TRIM5: variants seen among roughly 807,000 people sequenced by gnomAD.
The protein encoded by TRIM5 is tripartite motif containing 5.
In TRIM5, 31 loss-of-function variants were observed where a neutral mutation model predicts 35.6. The observed-to-expected ratio is 0.87, with a 90% CI of 0.65 to 1.18. TRIM5 has a LOEUF of 1.18. Among genes scored for constraint, TRIM5 ranks in the 50% most tolerant of loss-of-function variants. The pLI is 0.00. For missense variants in TRIM5, 609 were observed against 591.6 expected, an observed-to-expected ratio of 1.03 and a Z score of -0.31; for synonymous variants, 243 against 215.6, an observed-to-expected ratio of 1.13 and a Z score of -1.11.
At chr11:5,642,881 T>C in the TRIM5 span, 3 of 1,612,976 alleles carry the variant, frequency 1.9e-6, 1 homozygote, top group South Asian at 3.3e-5. Context: ...TGTTTTCCAA[T>C]TACCTTTCAG....
the TRIM5 span, chr11:5,642,688 AT>A: frequency 1.5e-6 from 2 of 1,333,366 alleles, no homozygotes; most frequent in Non-Finnish European, 2.0e-6. Context: ...TCTCTGGTTT[AT>A]CTTTTTAATT....
the TRIM5 span, chr11:5,642,692 T>C: frequency 1.2e-5 from 16 of 1,304,262 alleles, no homozygotes; most frequent in Non-Finnish European, 1.5e-5. Context: ...TGGTTTATCT[T>C]TTTAATTCAC....
the TRIM5 span, among the ~76,000 whole-genome samples, chr11:5,615,932 C>CCTT: frequency 9.8e-6 from 1 of 102,466 alleles, no homozygotes; most frequent in Admixed American, 1.1e-4. Flanking sequence ...CATATCTTTT[C>CCTT]ATTTTTTTTT....
chr11:5,617,373 C>T, the TRIM5 span, among the ~76,000 whole-genome samples: 1 of 144,882 alleles, frequency 6.9e-6, no homozygotes, highest in South Asian at 2.3e-4. Flanking sequence ...ATTTGAATCA[C>T]ACACATTTCC....
At chr11:5,631,145 C>G in the TRIM5 span, among the ~76,000 whole-genome samples, 1 of 152,286 alleles carries the variant, frequency 6.6e-6, no homozygotes, top group Admixed American at 6.5e-5. Context: ...CCTCCCCCAA[C>G]GAATACACAC....
the TRIM5 span, among the ~76,000 whole-genome samples, chr11:5,621,429 AGCTCTAAGTACAT>A: frequency 1.3e-5 from 2 of 152,228 alleles, no homozygotes; most frequent in East Asian, 3.8e-4. Context: ...GTTTACATAG[AGCTCTAAGTACAT>A]GCCCATGGAA....
At chr11:5,589,769 A>T in the TRIM5 span, 1 of 160,404 alleles carries the variant, frequency 6.2e-6, no homozygotes, top group Non-Finnish European at 1.3e-5. Flanking sequence ...CTAGGCTCCC[A>T]CTTTGGCGGC....
At chr11:5,643,276 C>G in the TRIM5 span, 3 of 1,614,026 alleles carry the variant, frequency 1.9e-6, no homozygotes, top group South Asian at 3.3e-5. Flanking sequence ...CAATATTTCT[C>G]CTCTGGGAAA....
At chr11:5,632,662 G>A in the TRIM5 span, 1 of 1,612,740 alleles carries the variant, frequency 6.2e-7, no homozygotes, top group Non-Finnish European at 8.5e-7. Flanking sequence ...CTGTAAGGAG[G>A]ATAGGAAAGT....
At chr11:5,590,989 G>T in the TRIM5 span, 2 of 177,428 alleles carry the variant, frequency 1.1e-5, no homozygotes, top group South Asian at 3.5e-4. Context: ...CTTGAAGTCA[G>T]ACCAAGAACC....
chr11:5,660,443 T>C (rs968523265), downstream of TRIM5, among the ~76,000 whole-genome samples: 4 of 152,220 alleles, frequency 2.6e-5, no homozygotes, highest in South Asian at 2.1e-4. Flanking sequence ...TTCTGATTGC[T>C]TGTCACTTTC....
chr11:5,593,451 AT>A, the TRIM5 span, among the ~76,000 whole-genome samples: 1 of 152,286 alleles, frequency 6.6e-6, no homozygotes, highest in South Asian at 2.1e-4. Flanking sequence ...TCTCCTGTGA[AT>A]ATATTAGAGA....
At chr11:5,647,963 C>G in the TRIM5 span, among the ~76,000 whole-genome samples, 1 of 152,134 alleles carries the variant, frequency 6.6e-6, no homozygotes, top group South Asian at 2.1e-4. Flanking sequence ...AAATTTTATA[C>G]CATAGAATGC....
At chr11:5,658,656 G>A (rs117597439), downstream of TRIM5, among the ~76,000 whole-genome samples, 71 of 152,244 alleles carry the variant, frequency 4.7e-4, 1 homozygote, top group East Asian at 0.014. Context: ...TTTGTGCAAG[G>A]TTTCTAATGT....
the TRIM5 span, among the ~76,000 whole-genome samples, chr11:5,624,415 C>T: frequency 6.6e-6 from 1 of 152,166 alleles, no homozygotes; most frequent in African/African-American, 2.4e-5. Context: ...TCTCCGCCAC[C>T]CATCCTCCAT....
the TRIM5 span, among the ~76,000 whole-genome samples, chr11:5,591,895 C>G: frequency 6.9e-6 from 1 of 145,352 alleles, no homozygotes; most frequent in Non-Finnish European, 1.5e-5. Flanking sequence ...CCTTTAGCCC[C>G]GGGGGGCTGT....
At chr11:5,631,111 A>T in the TRIM5 span, among the ~76,000 whole-genome samples, 1 of 152,140 alleles carries the variant, frequency 6.6e-6, no homozygotes, top group African/African-American at 2.4e-5. Context: ...TCTGTGATCT[A>T]TGTGTAATTC....
the TRIM5 span, among the ~76,000 whole-genome samples, chr11:5,594,686 T>A: frequency 6.6e-6 from 1 of 152,176 alleles, no homozygotes; most frequent in Non-Finnish European, 1.5e-5. Flanking sequence ...TGTAAGTTAC[T>A]TCCATTTATA....
At chr11:5,598,169 A>T in the TRIM5 span, among the ~76,000 whole-genome samples, 1 of 152,226 alleles carries the variant, frequency 6.6e-6, no homozygotes, top group South Asian at 2.1e-4. Flanking sequence ...GCCCGTCCAC[A>T]CTGCTCTGGA....
Sources: gnomAD v4.1 joint callset for allele counts (sites outside exome capture counted in the v4.1 genomes callset) on GRCh38, gnomAD v4.1.1 for gene constraint, MANE v1.5 for transcripts, NCBI Gene and HGNC (gene_info 2026-07-23, HGNC 2026-07-21) for gene names.